The following CCDC171 variants were observed in gnomAD, a reference collection of about 807,000 sequenced individuals.
The protein encoded by CCDC171 is coiled-coil domain-containing protein 171.
CCDC171 carries 177 observed loss-of-function variants against 168.2 expected under a neutral mutation model. The observed-to-expected ratio is 1.05, with a 90% CI of 0.93 to 1.19. The LOEUF (loss-of-function observed/expected upper bound fraction) is 1.19, where lower values mean the gene tolerates loss of function less well. CCDC171 is among the 50% of genes most tolerant of loss of function. The pLI is 0.00. For missense variants in CCDC171, 1,991 were observed against 1,539.0 expected (o/e 1.29, Z -4.91); for synonymous variants, 687 against 540.8 (o/e 1.27, Z -3.75).
intron 25 of CCDC171, among the ~76,000 whole-genome samples, chr9:15,937,417 G>A (rs1274646857): frequency 6.6e-6 from 1 of 151,840 alleles, no homozygotes; most frequent in African/African-American, 2.4e-5. Context: ...ACCTTCCAGG[G>A]AAGTAAAAGT....
At chr9:15,581,305 T>C (rs1343243285) in intron 4 of CCDC171, among the ~76,000 whole-genome samples, 1 of 152,154 alleles carries the variant, frequency 6.6e-6, no homozygotes, top group African/African-American at 2.4e-5. Flanking sequence ...GGAAAAATAC[T>C]TCACGCTCAT....
chr9:15,804,037 C>G (rs1358454406), intron 21 of CCDC171, among the ~76,000 whole-genome samples: 1 of 151,872 alleles, frequency 6.6e-6, no homozygotes, highest in Non-Finnish European at 1.5e-5. Flanking sequence ...CTCTACTTGC[C>G]TGTTGGTGTA....
chr9:16,000,184 C>A (rs576427758), intron 3 of CCDC171, among the ~76,000 whole-genome samples: 1 of 152,258 alleles, frequency 6.6e-6, no homozygotes, highest in African/African-American at 2.4e-5. Context: ...ATTGTGAAAT[C>A]CAAAACATGC....
chr9:15,970,812 A>G (rs1831280050), intron 25 of CCDC171, among the ~76,000 whole-genome samples: 1 of 152,170 alleles, frequency 6.6e-6, no homozygotes, highest in African/African-American at 2.4e-5. Context: ...ACAGGGTGGT[A>G]TCATGGACAT....
Position 15,615,830 on chromosome 9 carries a change from G to T in CCDC171, c.676-7437G>T, listed in dbSNP as rs549139007. Among the ~76,000 whole-genome samples, 3 of 151,148 alleles carry T rather than the reference G, an allele frequency of 2.0e-5. No individual in the cohort carries two copies. The East Asian group carries it at 5.9e-4, about 29-fold the overall frequency. On this transcript the variant is annotated intron_variant, in intron 6 of 25. Transcript: ENST00000380701. ...GTCTCACTCTGTCACCCAGGCTGGA[G>T]TGCAGTGGCATGATCTCAGCTTGCT...
downstream of CCDC171, among the ~76,000 whole-genome samples, chr9:16,063,203 G>T (rs1284385934): frequency 3.3e-5 from 5 of 152,172 alleles, no homozygotes; most frequent in Non-Finnish European, 7.3e-5. Flanking sequence ...AGCATTTAAG[G>T]GGTGATTTTC....
chr9:15,789,705 A>G (rs1400946530), intron 21 of CCDC171, among the ~76,000 whole-genome samples: 5 of 152,000 alleles, frequency 3.3e-5, no homozygotes, highest in Non-Finnish European at 5.9e-5. Flanking sequence ...GCACCCATTA[A>G]CTAGTCATTT....
chr9:15,649,574 C>A (rs1380427077), intron 7 of CCDC171, among the ~76,000 whole-genome samples: 4 of 152,066 alleles, frequency 2.6e-5, no homozygotes, highest in African/African-American at 7.2e-5. Context: ...CAACCCCATC[C>A]AAAAGTGGGT....
At chr9:15,658,970 G>GGGA (rs1170333876) in intron 8 of CCDC171, among the ~76,000 whole-genome samples, 12 of 152,170 alleles carry the variant, frequency 7.9e-5, no homozygotes, top group African/African-American at 2.9e-4. Flanking sequence ...GCAGTGTGAG[G>GGGA]GGAGGGAAGG....
intron 21 of CCDC171, among the ~76,000 whole-genome samples, chr9:15,813,246 C>T (rs1221024089): frequency 6.6e-6 from 1 of 152,130 alleles, no homozygotes; most frequent in Non-Finnish European, 1.5e-5. Flanking sequence ...TACAATAACT[C>T]TATATTGTCT....
At chr9:15,826,778 C>T (rs1048020187) in intron 21 of CCDC171, among the ~76,000 whole-genome samples, 1 of 152,212 alleles carries the variant, frequency 6.6e-6, no homozygotes, top group Non-Finnish European at 1.5e-5. Context: ...CAGAGACTAG[C>T]AGTCCCTGCT....
intron 11 of CCDC171, among the ~76,000 whole-genome samples, chr9:15,712,969 T>G (rs2052788220): frequency 6.6e-6 from 1 of 152,238 alleles, no homozygotes; most frequent in South Asian, 2.1e-4. Flanking sequence ...GATCCTTGTC[T>G]ACTGAAGTTG....
chr9:15,987,464 A>G (rs1832028957), intron 3 of CCDC171, among the ~76,000 whole-genome samples: 1 of 152,170 alleles, frequency 6.6e-6, no homozygotes, highest in African/African-American at 2.4e-5. Context: ...ACAAATGTAA[A>G]AAAAAAAGCA....
At chr9:15,675,006 T>G (rs1394225407) in intron 9 of CCDC171, among the ~76,000 whole-genome samples, 4 of 152,128 alleles carry the variant, frequency 2.6e-5, no homozygotes, top group African/African-American at 9.7e-5. Context: ...AGTCTCTTTG[T>G]AGGTCTCTAA....
chr9:15,669,625 T>G (rs994750125), intron 9 of CCDC171, among the ~76,000 whole-genome samples: 2 of 152,132 alleles, frequency 1.3e-5, no homozygotes, highest in African/African-American at 4.8e-5. Flanking sequence ...TCAAATATAG[T>G]AAAGTCTTCA....
intron 18 of CCDC171, among the ~76,000 whole-genome samples, chr9:15,761,286 C>G (rs978112903): frequency 6.6e-6 from 1 of 152,112 alleles, no homozygotes; most frequent in African/African-American, 2.4e-5. Flanking sequence ...GCGACCCTTT[C>G]AAGCAAACTA....
intron 4 of CCDC171, among the ~76,000 whole-genome samples, chr9:15,581,397 C>T (rs2041104645): frequency 6.6e-6 from 1 of 152,176 alleles, no homozygotes; most frequent in Admixed American, 6.5e-5. Context: ...ATCAAGCTAC[C>T]ACTGGCTTTC....
At chr9:15,827,884 G>A (rs932660418) in intron 21 of CCDC171, among the ~76,000 whole-genome samples, 1 of 152,030 alleles carries the variant, frequency 6.6e-6, no homozygotes, top group East Asian at 1.9e-4. Context: ...CTCCATACCC[G>A]ATCTGCTTTC....
At chr9:15,632,169 A>C (rs1419634521) in intron 7 of CCDC171, among the ~76,000 whole-genome samples, 1 of 148,694 alleles carries the variant, frequency 6.7e-6, no homozygotes, top group Admixed American at 6.9e-5. Flanking sequence ...AGTTCTGGCC[A>C]GGGCAATTAG....
Sources: allele counts gnomAD v4.1 joint callset (sites outside exome capture counted in the v4.1 genomes callset), GRCh38; gene constraint gnomAD v4.1.1; transcripts MANE v1.5; gene names NCBI Gene and HGNC (gene_info 2026-07-23, HGNC 2026-07-21).